The following PDE1C variants were observed in gnomAD, a reference collection of about 807,000 sequenced individuals.
PDE1C encodes dual specificity calcium/calmodulin-dependent 3',5'-cyclic nucleotide phosphodiesterase 1C.
Under a neutral mutation model 93.1 loss-of-function variants are expected in PDE1C, and 62 were observed. That is an observed-to-expected ratio of 0.67 (90% CI 0.54 to 0.82). The LOEUF (loss-of-function observed/expected upper bound fraction) is 0.82, where lower values mean the gene tolerates loss of function less well. Among genes scored for constraint, PDE1C ranks in the 40% least tolerant of loss-of-function variants. PDE1C has a pLI of 0.00. For missense variants in PDE1C, 742 were observed against 884.6 expected, an observed-to-expected ratio of 0.84 and a Z score of 2.04; for synonymous variants, 325 against 310.1, an observed-to-expected ratio of 1.05 and a Z score of -0.50.
the PDE1C span, among the ~76,000 whole-genome samples, chr7:31,694,774 T>C: frequency 1.3e-5 from 2 of 151,992 alleles, no homozygotes; most frequent in Non-Finnish European, 2.9e-5. Context: ...CGTGATCAGA[T>C]TGGATTCATT....
intron 1 of PDE1C, among the ~76,000 whole-genome samples, chr7:32,264,837 C>T (rs547278246): frequency 6.6e-6 from 1 of 152,350 alleles, no homozygotes; most frequent in South Asian, 2.1e-4. Flanking sequence ...GAAAGTTCTA[C>T]TGAGGAGCCT....
At chr7:31,892,973 T>C (rs1416570813) in intron 2 of PDE1C, among the ~76,000 whole-genome samples, 4 of 152,202 alleles carry the variant, frequency 2.6e-5, no homozygotes, top group South Asian at 2.1e-4. Flanking sequence ...ATTAGATTGA[T>C]TTAATCACTC....
intron 2 of PDE1C, among the ~76,000 whole-genome samples, chr7:31,890,245 T>C (rs1456736683): frequency 6.6e-6 from 1 of 152,208 alleles, no homozygotes; most frequent in African/African-American, 2.4e-5. Context: ...AGAGGTAAGT[T>C]CCAGAAGCCA....
the PDE1C span, among the ~76,000 whole-genome samples, chr7:31,617,813 T>C: frequency 1.3e-5 from 2 of 152,180 alleles, no homozygotes; most frequent in African/African-American, 4.8e-5. Flanking sequence ...GATAAAATAT[T>C]TGGAGACTAT....
At chr7:31,796,639 A>G (rs563465008) in intron 16 of PDE1C, among the ~76,000 whole-genome samples, 1 of 151,850 alleles carries the variant, frequency 6.6e-6, no homozygotes, top group East Asian at 1.9e-4. Context: ...GTCCATAGCA[A>G]AAAAGGAACA....
chr7:31,938,970 C>A (rs1210804022), intron 2 of PDE1C, among the ~76,000 whole-genome samples: 4 of 152,152 alleles, frequency 2.6e-5, no homozygotes, highest in Non-Finnish European at 4.4e-5. Context: ...AGCACCAAAG[C>A]ACTTTTAGCT....
At chr7:31,731,846 A>G in the PDE1C span, among the ~76,000 whole-genome samples, 1 of 152,174 alleles carries the variant, frequency 6.6e-6, no homozygotes, top group Non-Finnish European at 1.5e-5. Context: ...AGGAGAGAAG[A>G]TATTTCTTTC....
chr7:31,716,783 A>G, the PDE1C span, among the ~76,000 whole-genome samples: 1 of 152,254 alleles, frequency 6.6e-6, no homozygotes, highest in South Asian at 2.1e-4. Flanking sequence ...AAAAAGTGAT[A>G]ATGCTGAAAG....
chr7:31,865,110 C>A (rs376282595), intron 6 of PDE1C, 28 bp from the exon 7 acceptor site: 3 of 1,613,220 alleles, frequency 1.9e-6, no homozygotes, highest in Non-Finnish European at 2.5e-6. Flanking sequence ...GGTTAATTAA[C>A]TAGTGACTTC....
At chr7:31,811,724 G>C (rs149687033) in intron 15 of PDE1C, among the ~76,000 whole-genome samples, 1 of 152,088 alleles carries the variant, frequency 6.6e-6, no homozygotes, top group Admixed American at 6.6e-5. Context: ...GGAAGTCGTG[G>C]AGATGGTTCC....
chr7:32,338,376 C>T (rs908454752), intron 1 of PDE1C, among the ~76,000 whole-genome samples: 8 of 152,106 alleles, frequency 5.3e-5, no homozygotes, highest in African/African-American at 1.7e-4. Flanking sequence ...TGAAAAGATA[C>T]TAACACAAAT....
At chr7:31,932,755 C>A (rs146318150) in intron 2 of PDE1C, among the ~76,000 whole-genome samples, 2 of 151,772 alleles carry the variant, frequency 1.3e-5, no homozygotes, top group African/African-American at 4.9e-5. Flanking sequence ...ACCATAAAGA[C>A]ACATGCGCAC....
At chr7:32,180,795 A>C (rs1047254591) in intron 2 of PDE1C, among the ~76,000 whole-genome samples, 8 of 152,228 alleles carry the variant, frequency 5.3e-5, no homozygotes, top group Non-Finnish European at 2.9e-5. Flanking sequence ...TGCTATGTGG[A>C]ATTGTAATAT....
At chr7:31,929,111 CAA>C (rs200334154) in intron 2 of PDE1C, among the ~76,000 whole-genome samples, 14 of 141,208 alleles carry the variant, frequency 9.9e-5, no homozygotes, top group Non-Finnish European at 9.3e-5. Flanking sequence ...AAATGGAAAG[CAA>C]AAAAAAAAAG....
At chr7:31,737,800 CA>C in the PDE1C span, among the ~76,000 whole-genome samples, 368 of 93,156 alleles carry the variant, frequency 4.0e-3, 2 homozygotes, top group Middle Eastern at 0.019. Flanking sequence ...CACTCCATCT[CA>C]AAAAAAAAAA....
At chr7:31,928,340 C>G (rs1445866508) in intron 2 of PDE1C, among the ~76,000 whole-genome samples, 1 of 152,098 alleles carries the variant, frequency 6.6e-6, no homozygotes, top group Non-Finnish European at 1.5e-5. Flanking sequence ...GAGAATGGAA[C>G]CAAGTTGGAA....
At chr7:32,276,964 G>A (rs1811328934) in intron 1 of PDE1C, among the ~76,000 whole-genome samples, 1 of 152,122 alleles carries the variant, frequency 6.6e-6, no homozygotes, top group Non-Finnish European at 1.5e-5. Context: ...CGCAAAAGCT[G>A]CATGCAGCAC....
intron 3 of PDE1C, among the ~76,000 whole-genome samples, chr7:32,135,521 G>A (rs1800157436): frequency 1.3e-5 from 2 of 152,214 alleles, no homozygotes; most frequent in Admixed American, 6.5e-5. Flanking sequence ...ATAAAAACTG[G>A]TGTTCAACAT....
intron 2 of PDE1C, among the ~76,000 whole-genome samples, chr7:31,892,180 G>A (rs967844162): frequency 1.7e-4 from 26 of 152,198 alleles, no homozygotes; most frequent in Admixed American, 1.3e-4. Context: ...CAGATCCTTC[G>A]GCTTGGCCTC....
Sources: allele counts gnomAD v4.1 joint callset (sites outside exome capture counted in the v4.1 genomes callset), GRCh38; gene constraint gnomAD v4.1.1; transcripts MANE v1.5; gene names NCBI Gene and HGNC (gene_info 2026-07-23, HGNC 2026-07-21).